CDS2: variants seen among roughly 807,000 people sequenced by gnomAD.
The protein encoded by CDS2 is CDP-diacylglycerol synthase 2.
Under a neutral mutation model 59.0 loss-of-function variants are expected in CDS2, and 47 were observed. That is an observed-to-expected ratio of 0.80 (90% confidence interval 0.63 to 1.02). The LOEUF is 1.02. Among genes scored for constraint, CDS2 ranks in the 50% least tolerant of loss-of-function variants. The pLI is 0.00. For synonymous variants in CDS2, 207 were observed against 206.4 expected, an observed-to-expected ratio of 1.00 and a Z score of -0.02; for missense variants, 356 against 558.9, an observed-to-expected ratio of 0.64 and a Z score of 3.66.
chr20:5,196,033 CT>C lies in CDS2; in HGVS notation c.*5800del. ...TTGGCTAACAGGATCCATGAAATTC[CT>C]AGGTCAGTTGAATAATAACTGAACT... On this transcript the variant is annotated 3_prime_UTR_variant, in exon 13 of 13. Coordinates refer to ENST00000460006, the MANE Select transcript of CDS2 (RefSeq NM_003818.4). 6.6e-6 allele frequency: 1 copy of C among 152,246 alleles called. No individual in the cohort carries two copies. The highest frequency in any genetic ancestry group is 2.1e-4 in the South Asian group (1 of 4,820). The allele number at this position is 152,246 out of a possible 1,614,324, so 9.4% of individuals were successfully genotyped here.
Position 5,190,318 on chromosome 20 carries a change from A to G in CDS2, c.*84A>G. 1 of 1,316,342 alleles carries G rather than the reference A, an allele frequency of 7.6e-7. No homozygotes were observed. The highest frequency in any genetic ancestry group is 2.3e-4 in the Middle Eastern group (1 of 4,320). The allele number at this position is 1,316,342 out of a possible 1,614,324, so 81.5% of individuals were successfully genotyped here. A position where few individuals can be genotyped will look rare whatever the true frequency, so the allele number is the denominator to read the frequency against. ...AAGCCCAGCTGGTGTGACTTAGACA[A>G]TGACGAGGCTTCAACTCACTGTCTT... is the stretch of plus-strand genomic sequence containing the variant. On this transcript the variant is annotated 3_prime_UTR_variant, in exon 13 of 13. Transcript: ENST00000460006.
rs148895406 is a variant in CDS2, at chr20:5,152,513, G to A, written c.58-21010G>A. On this transcript the variant is annotated intron_variant, in intron 1 of 12. Transcript: ENST00000460006. ...TTCCAGCACTTTGTGGGGCCAAGGCGAGTGGATCACTTGAGATCAGGAGTT... is the reference window on the plus strand; with the variant it reads ...TTCCAGCACTTTGTGGGGCCAAGGCAAGTGGATCACTTGAGATCAGGAGTT... 6.2e-3 allele frequency among the ~76,000 whole-genome samples: 950 copies of A among 152,248 alleles called. 14 individuals carry two copies. The highest frequency in any genetic ancestry group is 0.022 in the African/African-American group (897 of 41,540).
rs758880457 is a variant in CDS2 at position 5,173,599 on chromosome 20, C to CA, written c.135dup (p.Val46SerfsTer5). 6.2e-7 allele frequency: 1 copy of CA among 1,614,222 alleles called. No individual in the cohort carries two copies. Among genetic ancestry groups the CA allele is most frequent in the East Asian group, 2.2e-5 (1 of 44,892 alleles). ...AGCCGGGCAGAATCCGCACCCCTGC[C>CA]AGTCTCTGCAGATGATACCCCGGAG... On this transcript the variant is annotated frameshift_variant, in exon 2 of 13. Coordinates refer to ENST00000460006, the MANE Select transcript of CDS2 (RefSeq NM_003818.4). LOFTEE classifies it high-confidence loss of function.
At chr20:5,170,016 G>T (rs577204603) in intron 1 of CDS2, among the ~76,000 whole-genome samples, 1 of 152,046 alleles carries the variant, frequency 6.6e-6, no homozygotes, top group Non-Finnish European at 1.5e-5. Context: ...AGGGGAGTGC[G>T]GCAGGCACCT....
intron 1 of CDS2, among the ~76,000 whole-genome samples, chr20:5,154,559 T>G (rs1180577934): frequency 1.3e-5 from 2 of 148,270 alleles, no homozygotes; most frequent in African/African-American, 2.5e-5. Context: ...TTTTTCTTAA[T>G]AGGATGTAGC....
intron 1 of CDS2, among the ~76,000 whole-genome samples, chr20:5,145,822 G>GGTT (rs773575866): frequency 6.2e-5 from 8 of 129,258 alleles, no homozygotes; most frequent in South Asian, 5.0e-4. Context: ...TGCTTTTTGT[G>GGTT]TTTTTTTTTT....
intron 4 of CDS2, among the ~76,000 whole-genome samples, chr20:5,177,051 G>A (rs1462446507): frequency 6.6e-6 from 1 of 152,182 alleles, no homozygotes; most frequent in Admixed American, 6.5e-5. Flanking sequence ...GCCAGACTGT[G>A]TGGTTGGCCT....
rs2091158703 is a variant in CDS2 at position 5,196,524 on chromosome 20, C to T, written c.*6290C>T. 6.6e-6 allele frequency: 1 copy of T among 152,208 alleles called. No individual in the cohort carries two copies. The highest frequency in any genetic ancestry group is 2.4e-5 in the African/African-American group (1 of 41,446). 9.4% of individuals were successfully genotyped at this position (152,208 alleles called of 1,614,324 possible). A position where few individuals can be genotyped will look rare whatever the true frequency, so the allele number is the denominator to read the frequency against. On this transcript the variant is annotated 3_prime_UTR_variant, in exon 13 of 13. Transcript: ENST00000460006. ...AGGGTTAGCCACCTGGTGATTTTGT[C>T]TCTAGTGAAACTGTGTTTGCCGATA... is the stretch of plus-strand genomic sequence containing the variant.
chr20:5,178,829 G>C lies in CDS2; in HGVS notation c.402G>C (p.Leu134=), dbSNP rs1450549695. 6.2e-7 allele frequency: 1 copy of C among 1,614,160 alleles called. No homozygotes were observed. Among genetic ancestry groups the C allele is most frequent in the Non-Finnish European group, 8.5e-7 (1 of 1,180,022 alleles). ...TCTTCATTTACAGGTACTTTCTCCT[G>C]TGTGTAAACTATTTCTTCTATGGTG... ...WFRTLSWYFL[L]CVNYFFYGET... Residue 134 remains leucine (L), a synonymous_variant, in exon 5 of 13, where the codon CTG becomes CTC. Coordinates refer to ENST00000460006, the MANE Select transcript of CDS2 (RefSeq NM_003818.4).
chr20:5,174,609 C>T lies in CDS2; in HGVS notation c.195-574C>T, dbSNP rs185841089. On this transcript the variant is annotated intron_variant, in intron 2 of 12. Coordinates refer to ENST00000460006, the MANE Select transcript of CDS2 (RefSeq NM_003818.4). ...GTGTGGTGGCAGGCGCCTGTAGTCC[C>T]AGCTACTCGGGAGGCTGAGGCAAGA... Among the ~76,000 whole-genome samples, 259 of 151,958 alleles carry T rather than the reference C, an allele frequency of 1.7e-3. 2 individuals are homozygous for T. Among genetic ancestry groups the T allele is most frequent in the African/African-American group, 6.0e-3 (250 of 41,414 alleles).
Position 5,184,711 on chromosome 20 carries a change from T to C in CDS2, c.672-147T>C. 5.9e-6 allele frequency: 4 copies of C among 682,078 alleles called. No homozygotes were observed. The highest frequency in any genetic ancestry group is 1.8e-5 in the African/African-American group (1 of 56,108). 42.3% of individuals were successfully genotyped at this position (682,078 alleles called of 1,614,324 possible). A position where few individuals can be genotyped will look rare whatever the true frequency, so the allele number is the denominator to read the frequency against. On this transcript the variant is annotated intron_variant, in intron 7 of 12. Coordinates refer to ENST00000460006, the MANE Select transcript of CDS2 (RefSeq NM_003818.4). The surrounding 1 kb of genome is among the most constrained non-coding windows in gnomAD (Gnocchi z 4.3). ...GGTACTAGGTATGACTTTTTTGGTA[T>C]TTTTTATGTTTTTAACTTACTCCTT...
rs555707445 is a variant in CDS2, at chr20:5,170,015, C to T, written c.58-3508C>T. Among the ~76,000 whole-genome samples the T allele has an allele frequency of 5.9e-5, 9 of 152,200 alleles. No homozygotes were observed. The South Asian group carries it at 1.5e-3, about 25-fold the overall frequency. On this transcript the variant is annotated intron_variant, in intron 1 of 12. Transcript: ENST00000460006. ...TGTGGTCAGGCTACTCAGGGGAGTG[C>T]GGCAGGCACCTGCTGCTATTCAGTA...
At chr20:5,146,939 A>G (rs1477041425) in intron 1 of CDS2, among the ~76,000 whole-genome samples, 1 of 152,212 alleles carries the variant, frequency 6.6e-6, no homozygotes, top group African/African-American at 2.4e-5. Flanking sequence ...CTAGAATTCC[A>G]GCCATCACTT....
In CDS2 at chr20:5,184,669, A is replaced by G. The variant is rs1174081750; in HGVS notation, c.672-189A>G. On this transcript the variant is annotated intron_variant, in intron 7 of 12. Coordinates refer to ENST00000460006, the MANE Select transcript of CDS2 (RefSeq NM_003818.4). This position sits in a 1 kb window ranked among gnomAD's most constrained non-coding sequence, Gnocchi z 4.3. ...CAGTAGTCATTCAGTAAACACTTGA[A>G]TATGTACTCTGTGCTAGGTACTAGG... Among the ~76,000 whole-genome samples, 1 of 152,230 alleles carries G rather than the reference A, an allele frequency of 6.6e-6. No individual in the cohort carries two copies. Among genetic ancestry groups the G allele is most frequent in the Non-Finnish European group, 1.5e-5 (1 of 68,036 alleles).
At position 5,136,713 on chromosome 20, in the gene CDS2, G is replaced by A. The variant is rs561708302; in HGVS notation, c.57+9564G>A. On this transcript the variant is annotated intron_variant, in intron 1 of 12. Coordinates refer to ENST00000460006, the MANE Select transcript of CDS2 (RefSeq NM_003818.4). ...CCCTAATAATTATTGGGGGGGTGGG[G>A]TGGAGTGATAGAATTCTGGCTCTTT... Among the ~76,000 whole-genome samples the A allele has an allele frequency of 5.3e-5, 8 of 152,176 alleles. No individual in the cohort carries two copies. The South Asian group carries it at 8.3e-4, about 16-fold the overall frequency.
intron 1 of CDS2, among the ~76,000 whole-genome samples, chr20:5,167,506 C>A (rs183600251): frequency 6.6e-6 from 1 of 152,196 alleles, no homozygotes; most frequent in African/African-American, 2.4e-5. Flanking sequence ...TATACACACA[C>A]AAATGGATGC....
chr20:5,173,492 C>G (rs1331166238), intron 1 of CDS2, 31 bp from the exon 2 acceptor site: 2 of 1,612,924 alleles, frequency 1.2e-6, no homozygotes, highest in East Asian at 4.5e-5. Flanking sequence ...GCACTTTTGA[C>G]CTTTTTCTCT....
intron 2 of CDS2, among the ~76,000 whole-genome samples, chr20:5,174,633 G>C (rs1164995170): frequency 1.3e-5 from 2 of 151,774 alleles, no homozygotes; most frequent in Admixed American, 6.6e-5. Flanking sequence ...GCTGAGGCAA[G>C]AGAATGGCAT....
chr20:5,192,741 A>G lies in CDS2; in HGVS notation c.*2507A>G, dbSNP rs866604049. On this transcript the variant is annotated 3_prime_UTR_variant, in exon 13 of 13. Transcript: ENST00000460006. ...ATGCTTCTCATTTGTTTATGTATTC[A>G]TGAATACTGCATAGTCCTGATTCAG... is the stretch of plus-strand genomic sequence containing the variant. 6.6e-6 allele frequency: 1 copy of G among 152,054 alleles called. No individual in the cohort carries two copies. Among genetic ancestry groups the G allele is most frequent in the Admixed American group, 6.5e-5 (1 of 15,278 alleles). The allele number at this position is 152,054 out of a possible 1,614,324, so 9.4% of individuals were successfully genotyped here. A position where few individuals can be genotyped will look rare whatever the true frequency, so the allele number is the denominator to read the frequency against.
Sources: gnomAD v4.1 joint callset for allele counts (sites outside exome capture counted in the v4.1 genomes callset) on GRCh38, gnomAD v4.1.1 for gene constraint, Gnocchi (gnomAD v3.1) non-coding constraint, MANE v1.5 for transcripts, NCBI Gene and HGNC (gene_info 2026-07-23, HGNC 2026-07-21) for gene names.